SOX30: variants seen among roughly 807,000 people sequenced by gnomAD.
SOX30 encodes SRY-box transcription factor 30, also known as transcription factor SOX-30.
In SOX30, 17 loss-of-function variants were observed where a neutral mutation model predicts 58.6. The observed-to-expected ratio is 0.29, with a 90% CI of 0.20 to 0.44. The LOEUF is 0.44. SOX30 is among the 20% of genes least tolerant of loss of function. The pLI, the probability that SOX30 is intolerant of heterozygous loss-of-function variation, is 1.00. For missense variants in SOX30, 951 were observed against 965.8 expected (o/e 0.98, Z 0.20); for synonymous variants, 421 against 400.2 (o/e 1.05, Z -0.62).
chr5:157,628,801 C>G (rs1314158574), intron 4 of SOX30, among the ~76,000 whole-genome samples: 1 of 151,986 alleles, frequency 6.6e-6, no homozygotes, highest in Non-Finnish European at 1.5e-5. Context: ...GCCACCATGT[C>G]CGGCTAATTT....
chr5:157,652,645 G>A (rs1377500096), upstream of SOX30, among the ~76,000 whole-genome samples: 1 of 152,214 alleles, frequency 6.6e-6, no homozygotes, highest in African/African-American at 2.4e-5. Context: ...AGCTAATGTT[G>A]CTGGGGAGGA....
chr5:157,646,755 T>C lies in SOX30; in HGVS notation c.1269A>G (p.Val423=), dbSNP rs1759201954. The C allele has an allele frequency of 1.9e-6, 3 of 1,613,914 alleles. No homozygotes were observed. Among genetic ancestry groups the C allele is most frequent in the Non-Finnish European group, 2.5e-6 (3 of 1,179,930 alleles). Residue 423 remains valine (V), a synonymous_variant, in exon 3 of 5, where the codon GTA becomes GTG. Transcript: ENST00000265007. The part of the protein sequence containing the change: ...RKRFPLSVSN[V]FSGTTQNIIS... ...TGATATTCTGTGTGGTACCAGAAAA[T>C]ACATTGGAAACACTTAGAGGGAATC...
intron 2 of SOX30, among the ~76,000 whole-genome samples, chr5:157,666,684 A>G (rs1042909769): frequency 6.6e-6 from 1 of 152,080 alleles, no homozygotes; most frequent in Non-Finnish European, 1.5e-5. Context: ...AGGTAATTTT[A>G]TTAGCCCCAT....
intron 1 of SOX30, chr5:157,671,284 T>G: frequency 3.3e-6 from 1 of 301,022 alleles, no homozygotes; most frequent in Non-Finnish European, 6.1e-6. Flanking sequence ...CAGGCCGGGG[T>G]CACTGCAGTC....
At chr5:157,630,983 A>C (rs1465287443) in intron 4 of SOX30, among the ~76,000 whole-genome samples, 1 of 136,344 alleles carries the variant, frequency 7.3e-6, no homozygotes, top group Non-Finnish European at 1.5e-5. Context: ...ATTTTTATAT[A>C]TATACTATAT....
chr5:157,648,644 T>A lies in SOX30; in HGVS notation c.1207+13A>T. 6.2e-7 allele frequency: 1 copy of A among 1,608,102 alleles called. No homozygotes were observed. The highest frequency in any genetic ancestry group is 8.5e-7 in the Non-Finnish European group (1 of 1,175,988). On this transcript the variant is annotated intron_variant, in intron 2 of 4. Transcript: ENST00000265007. The stretch of plus-strand genomic sequence containing the variant: ...ATTTAAAAGAAGTAAGAGGCATTAT[T>A]TAATTTGATTACCAGGAAATTCCTC...
intron 2 of SOX30, among the ~76,000 whole-genome samples, chr5:157,659,905 A>G (rs2113856912): frequency 6.6e-6 from 1 of 152,226 alleles, no homozygotes; most frequent in East Asian, 1.9e-4. Context: ...GGGTTAAGAT[A>G]TGGGGTTGTG....
At chr5:157,653,406 T>G (rs1327932246), upstream of SOX30, among the ~76,000 whole-genome samples, 2 of 152,198 alleles carry the variant, frequency 1.3e-5, no homozygotes, top group Non-Finnish European at 2.9e-5. Context: ...CATCACTGAA[T>G]CCACAATGCA....
chr5:157,655,640 C>T (rs749633631), upstream of SOX30, among the ~76,000 whole-genome samples: 4 of 152,158 alleles, frequency 2.6e-5, no homozygotes, highest in Admixed American at 1.3e-4. Flanking sequence ...CCTTCACTAC[C>T]GAGAAGTGGC....
In SOX30 at chr5:157,638,373, T is replaced by C. The variant is rs1297100919; in HGVS notation, c.1737A>G (p.Pro579=). Residue 579 remains proline (P), a synonymous_variant, in exon 4 of 5, where the codon CCA becomes CCG. Transcript: ENST00000265007. ...GTGGAATGGGAGAAGCCTGGGGGATTGGAGCACTTCTGGGACAAGGGGAAA... is the reference window on the plus strand; with the variant it reads ...GTGGAATGGGAGAAGCCTGGGGGATCGGAGCACTTCTGGGACAAGGGGAAA... ...SSVSPCPRSA[P]IPQASPIPHP... 1.2e-6 allele frequency: 2 copies of C among 1,613,730 alleles called. No individual in the cohort carries two copies. The highest frequency in any genetic ancestry group is 1.1e-5 in the South Asian group (1 of 91,082).
At chr5:157,659,611 C>A (rs1015663099) in intron 2 of SOX30, among the ~76,000 whole-genome samples, 1 of 152,182 alleles carries the variant, frequency 6.6e-6, no homozygotes, top group African/African-American at 2.4e-5. Flanking sequence ...AAGCCTTAAT[C>A]AATTTAGAAG....
upstream of SOX30, among the ~76,000 whole-genome samples, chr5:157,653,477 G>A (rs139677325): frequency 1.3e-5 from 2 of 152,218 alleles, no homozygotes; most frequent in African/African-American, 4.8e-5. Context: ...AATGAATAGC[G>A]ACTGTGATAG....
chr5:157,649,719 G>A (rs1759281044), intron 1 of SOX30, among the ~76,000 whole-genome samples: 1 of 152,140 alleles, frequency 6.6e-6, no homozygotes, highest in African/African-American at 2.4e-5. Flanking sequence ...GAACCCAGGA[G>A]GTGGAGGTTG....
intron 3 of SOX30, among the ~76,000 whole-genome samples, chr5:157,643,505 C>A (rs1440138713): frequency 6.6e-6 from 1 of 151,990 alleles, no homozygotes; most frequent in African/African-American, 2.4e-5. Context: ...AAAGTAGGTA[C>A]AAATGGCTTC....
In SOX30 at chr5:157,652,139, C is replaced by T. The variant is rs749231982; in HGVS notation, c.-61G>A. 4 of 1,381,284 alleles carry T rather than the reference C, an allele frequency of 2.9e-6. No homozygotes were observed. Among genetic ancestry groups the T allele is most frequent in the East Asian group, 2.9e-5 (1 of 34,714 alleles). 85.6% of individuals were successfully genotyped at this position (1,381,284 alleles called of 1,614,324 possible). A position where few individuals can be genotyped will look rare whatever the true frequency, so the allele number is the denominator to read the frequency against. ...CAGCCGTTTGTTGGCGACCTTCCCC[C>T]TCCCCCTTTCGGTTAAGAGCCTTGC... On this transcript the variant is annotated 5_prime_UTR_variant, in exon 1 of 5. Coordinates refer to ENST00000265007, the MANE Select transcript of SOX30 (RefSeq NM_178424.2).
Position 157,626,117 on chromosome 5 carries a change from A to C in SOX30, c.*223T>G. On this transcript the variant is annotated 3_prime_UTR_variant, in exon 5 of 5. Coordinates refer to ENST00000265007, the MANE Select transcript of SOX30 (RefSeq NM_178424.2). ...ATGTTGATGCAAATTTCAGCCATTA[A>C]AATTAAACTACTTAATAACTTAAAT... The C allele has an allele frequency of 6.8e-6, 3 of 439,682 alleles. No homozygotes were observed. The highest frequency in any genetic ancestry group is 5.9e-4 in the Middle Eastern group (1 of 1,690). The allele number at this position is 439,682 out of a possible 1,614,324, so 27.2% of individuals were successfully genotyped here.
At chr5:157,650,394 T>A (rs1759299841) in intron 1 of SOX30, among the ~76,000 whole-genome samples, 1 of 152,172 alleles carries the variant, frequency 6.6e-6, no homozygotes, top group Non-Finnish European at 1.5e-5. Context: ...TCCAAGATGT[T>A]CATTGGCAAA....
At chr5:157,630,861 T>A (rs900550315) in intron 4 of SOX30, among the ~76,000 whole-genome samples, 7 of 119,836 alleles carry the variant, frequency 5.8e-5, no homozygotes, top group Admixed American at 1.8e-4. Context: ...TATTATATAT[T>A]TTTATATATA....
At chr5:157,655,391 A>C (rs997708735), upstream of SOX30, among the ~76,000 whole-genome samples, 1 of 152,228 alleles carries the variant, frequency 6.6e-6, no homozygotes, top group African/African-American at 2.4e-5. Flanking sequence ...TAGGAGGGTT[A>C]GAGTCCCTTC....
Sources: allele counts gnomAD v4.1 joint callset (sites outside exome capture counted in the v4.1 genomes callset), GRCh38; gene constraint gnomAD v4.1.1; transcripts MANE v1.5; gene names NCBI Gene and HGNC (gene_info 2026-07-23, HGNC 2026-07-21).